Variants in ABCC8 observed in about 807,000 individuals in gnomAD.
ABCC8 encodes ATP binding cassette subfamily C member 8.
ABCC8 carries 137 observed loss-of-function variants against 188.0 expected under a neutral mutation model. The ratio of observed to expected loss-of-function variants is 0.73; its 90% CI spans 0.63 to 0.84. The LOEUF is 0.84. Among genes scored for constraint, ABCC8 ranks in the 40% least tolerant of loss-of-function variants. The pLI is 0.00. For synonymous variants in ABCC8, 797 were observed against 846.5 expected (o/e 0.94, Z 1.01); for missense variants, 1,750 against 2,072.7 (o/e 0.84, Z 3.02).
rs60810507 is a variant in ABCC8 at position 17,408,223 on chromosome 11, C to T, written c.2820+169G>A. On this transcript the variant is annotated intron_variant, in intron 23 of 38. Coordinates refer to ENST00000389817, the MANE Select transcript of ABCC8 (RefSeq NM_000352.6). The stretch of plus-strand genomic sequence containing the variant: ...ACCTGATTCTGCCCTGGGCACCTGG[C>T]ACAGGTACTGTCTCTCCTCTGGTAG... 1,506 of 640,732 alleles carry T rather than the reference C, an allele frequency of 2.4e-3. 14 individuals are homozygous for T. The African/African-American group carries it at 0.024, about 10-fold the overall frequency. 39.7% of individuals were successfully genotyped at this position (640,732 alleles called of 1,614,324 possible).
chr11:17,451,556 A>C (rs1170959938), intron 7 of ABCC8, among the ~76,000 whole-genome samples: 2 of 152,346 alleles, frequency 1.3e-5, no homozygotes, highest in East Asian at 3.9e-4. Flanking sequence ...CCCAAGCTAT[A>C]TCCTTGTCCT....
chr11:17,416,749 G>A (rs1955094332), intron 17 of ABCC8, among the ~76,000 whole-genome samples, 181 bp downstream of exon 17: 1 of 152,126 alleles, frequency 6.6e-6, no homozygotes, highest in Non-Finnish European at 1.5e-5. Flanking sequence ...AGTGTTTTCT[G>A]TCCCCAAGAA....
At chr11:17,392,642 A>AAAC, downstream of ABCC8, 1 of 374,758 alleles carries the variant, frequency 2.7e-6, no homozygotes, top group Non-Finnish European at 5.1e-6. Flanking sequence ...AGGAGAAACC[A>AAAC]AACCTGCCAA....
rs780718623 is a variant in ABCC8 at position 17,395,860 on chromosome 11, G to A, written c.4190C>T (p.Thr1397Met). ...CCCGCCTTACAACTCACCTTCGAAC[G>A]TGTCCACCATGCGGAAGAAGGCAAG... ...FSLAFFRMVDTFEGHIIIDGI... is the reference protein window; with the variant it reads ...FSLAFFRMVDMFEGHIIIDGI... Residue 1397 changes from threonine (T) to methionine (M), a missense_variant, in exon 34 of 39, where the codon ACG becomes ATG. Physicochemically the swap from Thr to Met is moderately conservative, Grantham distance 81. Coordinates refer to ENST00000389817, the MANE Select transcript of ABCC8 (RefSeq NM_000352.6). 3.7e-5 allele frequency: 59 copies of A among 1,582,638 alleles called. No individual in the cohort carries two copies. Among genetic ancestry groups the A allele is most frequent in the Non-Finnish European group, 4.7e-5 (55 of 1,163,384 alleles).
At chr11:17,445,484 G>A (rs1182746169) in intron 8 of ABCC8, among the ~76,000 whole-genome samples, 5 of 152,324 alleles carry the variant, frequency 3.3e-5, no homozygotes, top group Admixed American at 3.3e-4. Flanking sequence ...ATAAAGCTGT[G>A]TGCATGTGAC....
intron 17 of ABCC8, 46 bp from the exon 18 acceptor site, chr11:17,415,385 C>A (rs1263013222): frequency 6.3e-6 from 10 of 1,596,922 alleles, no homozygotes; most frequent in Non-Finnish European, 8.5e-6. Flanking sequence ...TGGGAGTGAA[C>A]CATATCCTCC....
chr11:17,428,463 C>A (rs1378868127), intron 13 of ABCC8, 58 bp from the exon 14 acceptor site: 1 of 1,602,468 alleles, frequency 6.2e-7, no homozygotes, highest in African/African-American at 1.3e-5. Flanking sequence ...GGGAAGGGAG[C>A]CCCTCTTCCT....
In ABCC8 at chr11:17,453,400, G is replaced by T. The variant is rs1049061486; in HGVS notation, c.1012-117C>A. ...CATTATTACAAGACCCTCTGGGCTT[G>T]CAAAGGCTTGTGCAATTGTTTATGA... On this transcript the variant is annotated intron_variant, in intron 6 of 38. Transcript: ENST00000389817. The T allele has an allele frequency of 5.0e-6, 7 of 1,400,610 alleles. No individual in the cohort carries two copies. In the African/African-American group the frequency reaches 1.0e-4, roughly 20 times the overall value. The allele number at this position is 1,400,610 out of a possible 1,614,324, so 86.8% of individuals were successfully genotyped here.
In ABCC8 at chr11:17,404,442, A is replaced by G; in HGVS notation, c.3557+70T>C. ...ACACGACCCTATTACTCTCATAACGATGAGTCTAGCAAGTACACCAAACTG... is the reference window on the plus strand; with the variant it reads ...ACACGACCCTATTACTCTCATAACGGTGAGTCTAGCAAGTACACCAAACTG... On this transcript the variant is annotated intron_variant, in intron 28 of 38. Coordinates refer to ENST00000389817, the MANE Select transcript of ABCC8 (RefSeq NM_000352.6). The surrounding 1 kb of genome is among the most constrained non-coding windows in gnomAD (Gnocchi z 4.7). 6.8e-7 allele frequency: 1 copy of G among 1,474,832 alleles called. No individual in the cohort carries two copies. The highest frequency in any genetic ancestry group is 9.5e-7 in the Non-Finnish European group (1 of 1,053,530). 91.4% of individuals were successfully genotyped at this position (1,474,832 alleles called of 1,614,324 possible).
Position 17,404,013 on chromosome 11 carries a change from G to T in ABCC8, c.3557+499C>A, listed in dbSNP as rs1234022452. On this transcript the variant is annotated intron_variant, in intron 28 of 38. Coordinates refer to ENST00000389817, the MANE Select transcript of ABCC8 (RefSeq NM_000352.6). This position sits in a 1 kb window ranked among gnomAD's most constrained non-coding sequence, Gnocchi z 4.7. ...TTTGAGGAGGAAAGAGGCGTGCATG[G>T]ATCCAAAGCTCATGAGGGCAAATGT... Among the ~76,000 whole-genome samples, 2 of 152,170 alleles carry T rather than the reference G, an allele frequency of 1.3e-5. No homozygotes were observed. The highest frequency in any genetic ancestry group is 2.9e-5 in the Non-Finnish European group (2 of 68,032).
At chr11:17,412,949 AG>A in intron 20 of ABCC8, 1 of 1,189,194 alleles carries the variant, frequency 8.4e-7, no homozygotes, top group Non-Finnish European at 1.2e-6. Flanking sequence ...AAGTCTTTAA[AG>A]ATTCATTGTG....
chr11:17,405,488 C>T lies in ABCC8; in HGVS notation c.3399+6G>A, dbSNP rs1954472209. ...AGGGGGGATAGTGTGGCACGGTCCT[C>T]TGTACCTGGTCGATGGTGTTACAGT... is the stretch of plus-strand genomic sequence containing the variant. On this transcript the variant is annotated splice_donor_region_variant and intron_variant, in intron 27 of 38. Transcript: ENST00000389817. 6.2e-7 allele frequency: 1 copy of T among 1,614,236 alleles called. No individual in the cohort carries two copies. Among genetic ancestry groups the T allele is most frequent in the African/African-American group, 1.3e-5 (1 of 75,064 alleles).
intron 2 of ABCC8, among the ~76,000 whole-genome samples, chr11:17,474,398 C>T (rs1013412936): frequency 1.4e-4 from 22 of 152,004 alleles, no homozygotes; most frequent in African/African-American, 4.8e-4. Context: ...GAGGCCCAAA[C>T]GGAAGGTGGG....
intron 36 of ABCC8, among the ~76,000 whole-genome samples, chr11:17,394,782 G>A (rs190700094): frequency 3.9e-5 from 6 of 152,254 alleles, no homozygotes; most frequent in Middle Eastern, 3.4e-3. Flanking sequence ...GCCAATCACC[G>A]GTGGCCTTGA....
At chr11:17,433,052 T>G (rs1266189468) in intron 10 of ABCC8, among the ~76,000 whole-genome samples, 5 of 152,192 alleles carry the variant, frequency 3.3e-5, no homozygotes, top group Admixed American at 1.3e-4. Flanking sequence ...ACAGGCTCTG[T>G]GAGCCCCAGG....
At chr11:17,458,092 A>G (rs1037394046) in intron 6 of ABCC8, among the ~76,000 whole-genome samples, 3 of 152,218 alleles carry the variant, frequency 2.0e-5, no homozygotes, top group African/African-American at 7.2e-5. Flanking sequence ...GAATTAAGCC[A>G]CATCCCAGGC....
chr11:17,436,045 G>A (rs1956082630), intron 10 of ABCC8: 1 of 1,090,326 alleles, frequency 9.2e-7, no homozygotes, highest in Non-Finnish European at 1.4e-6. Flanking sequence ...GTTTGAACTT[G>A]TGTTCTTATT....
At chr11:17,402,348 GCC>G (rs932587572) in intron 29 of ABCC8, among the ~76,000 whole-genome samples, 3 of 152,188 alleles carry the variant, frequency 2.0e-5, no homozygotes, top group Admixed American at 6.5e-5. Context: ...GCTTAGGGTG[GCC>G]CGCACCTAAG....
chr11:17,408,270 C>T lies in ABCC8; in HGVS notation c.2820+122G>A, dbSNP rs12272831. The T allele has an allele frequency of 8.8e-4, 842 of 952,354 alleles. 6 individuals are homozygous for T. In the African/African-American group the frequency reaches 0.013, roughly 14 times the overall value. 59.0% of individuals were successfully genotyped at this position (952,354 alleles called of 1,614,324 possible). ...GTAGGAGCCAGTTCATGCCCAGCTC[C>T]CACATCTGCCCTTTAGGGGGCTTCC... On this transcript the variant is annotated intron_variant, in intron 23 of 38. Coordinates refer to ENST00000389817, the MANE Select transcript of ABCC8 (RefSeq NM_000352.6).
Sources: gnomAD v4.1 joint callset for allele counts (sites outside exome capture counted in the v4.1 genomes callset) on GRCh38, gnomAD v4.1.1 for gene constraint, Gnocchi (gnomAD v3.1) non-coding constraint, MANE v1.5 for transcripts, NCBI Gene and HGNC (gene_info 2026-07-23, HGNC 2026-07-21) for gene names.